The following CPAMD8 variants were observed in gnomAD, a reference collection of about 807,000 sequenced individuals.
CPAMD8 encodes C3 and PZP-like alpha-2-macroglobulin domain-containing protein 8.
A neutral mutation model predicts 224.7 loss-of-function variants in CPAMD8; 146 were observed. That is an observed-to-expected ratio of 0.65 (90% CI 0.57 to 0.75). CPAMD8 has a LOEUF of 0.75. Among genes scored for constraint, CPAMD8 ranks in the 30% least tolerant of loss-of-function variants. The pLI, the probability that CPAMD8 is intolerant of heterozygous loss-of-function variation, is 0.00. For synonymous variants in CPAMD8, 966 were observed against 1,044.6 expected (o/e 0.92, Z 1.45); for missense variants, 2,301 against 2,537.5 (o/e 0.91, Z 2.00).
intron 23 of CPAMD8, among the ~76,000 whole-genome samples, chr19:16,930,373 G>A (rs950201934): frequency 3.9e-5 from 6 of 152,090 alleles, no homozygotes; most frequent in Non-Finnish European, 7.4e-5. Context: ...AAACATAAAT[G>A]CACCAATTAT....
intron 41 of CPAMD8, chr19:16,894,390 T>G (rs941145345): frequency 2.2e-6 from 1 of 456,596 alleles, no homozygotes; most frequent in East Asian, 7.0e-5. Flanking sequence ...CCAGATGGTG[T>G]CGTCCTGCTC....
intron 17 of CPAMD8, among the ~76,000 whole-genome samples, chr19:16,972,319 A>G (rs2055091279): frequency 6.6e-6 from 1 of 152,108 alleles, no homozygotes; most frequent in Non-Finnish European, 1.5e-5. Flanking sequence ...GTGCACCACC[A>G]TGCCCGGCTA....
At chr19:17,018,719 C>T (rs112802051) in intron 3 of CPAMD8, among the ~76,000 whole-genome samples, 19 of 37,386 alleles carry the variant, frequency 5.1e-4, no homozygotes, top group African/African-American at 1.2e-3. Flanking sequence ...ACTAAAAATA[C>T]ACACACACAC....
At chr19:16,964,408 A>G (rs890810244) in intron 18 of CPAMD8, among the ~76,000 whole-genome samples, 5 of 152,212 alleles carry the variant, frequency 3.3e-5, no homozygotes, top group Admixed American at 2.6e-4. Flanking sequence ...AATACTGTAA[A>G]CACCTCTACG....
At chr19:17,010,682 G>T (rs1326115860) in intron 5 of CPAMD8, among the ~76,000 whole-genome samples, 7 of 152,052 alleles carry the variant, frequency 4.6e-5, no homozygotes, top group Non-Finnish European at 1.5e-5. Flanking sequence ...AAATAATTTT[G>T]TAAGTATATA....
chr19:16,940,156 C>T (rs1359327603), intron 22 of CPAMD8, among the ~76,000 whole-genome samples: 1 of 152,136 alleles, frequency 6.6e-6, no homozygotes, highest in African/African-American at 2.4e-5. Context: ...AGGTGATCTG[C>T]CTGCCTCAGC....
chr19:16,924,862 G>A (rs559101466), intron 26 of CPAMD8, among the ~76,000 whole-genome samples: 3 of 152,326 alleles, frequency 2.0e-5, no homozygotes, highest in African/African-American at 7.2e-5. Flanking sequence ...TGGGATTACA[G>A]GCATCAGCCA....
At chr19:16,996,749 A>G (rs1485122156) in intron 11 of CPAMD8, among the ~76,000 whole-genome samples, 1 of 147,902 alleles carries the variant, frequency 6.8e-6, no homozygotes, top group Non-Finnish European at 1.5e-5. Context: ...AACCTGGGAG[A>G]CGGAGGTTGC....
At chr19:16,959,164 A>C (rs1041427501) in intron 18 of CPAMD8, among the ~76,000 whole-genome samples, 3 of 134,320 alleles carry the variant, frequency 2.2e-5, no homozygotes. Context: ...TGTGGTTTTG[A>C]TTTGCATTTC....
At chr19:16,914,583 G>A in intron 28 of CPAMD8, 74 bp downstream of exon 28, 3 of 1,611,786 alleles carry the variant, frequency 1.9e-6, no homozygotes, top group Non-Finnish European at 2.5e-6. Flanking sequence ...CCAGGGAGTA[G>A]GAACAGGCAG....
chr19:16,909,050 A>T (rs966800889), intron 29 of CPAMD8, among the ~76,000 whole-genome samples: 2 of 152,144 alleles, frequency 1.3e-5, no homozygotes, highest in African/African-American at 4.8e-5. Context: ...GGTCAAGGTC[A>T]TTTGCTGGTT....
intron 8 of CPAMD8, 28 bp downstream of exon 8, chr19:17,004,245 C>G: frequency 1.3e-6 from 2 of 1,485,164 alleles, no homozygotes; most frequent in Non-Finnish European, 1.9e-6. Context: ...GATCTGAAAT[C>G]CCAAGACCCT....
chr19:17,009,852 G>A lies in CPAMD8; in HGVS notation c.487-532C>T, dbSNP rs1337014760. On this transcript the variant is annotated intron_variant, in intron 5 of 41. Coordinates refer to ENST00000443236, the MANE Select transcript of CPAMD8 (RefSeq NM_015692.5). ...ACCCTGTTAATGTCCCCAGCAACAC[G>A]ACAAACCCATGCTGGGTGCCTCCTG... Among the ~76,000 whole-genome samples, 10 of 152,100 alleles carry A rather than the reference G, an allele frequency of 6.6e-5. No individual in the cohort carries two copies. The East Asian group carries it at 7.7e-4, about 12-fold the overall frequency.
intron 3 of CPAMD8, among the ~76,000 whole-genome samples, chr19:17,017,239 G>A (rs925910062): frequency 6.6e-6 from 1 of 152,156 alleles, no homozygotes; most frequent in Non-Finnish European, 1.5e-5. Flanking sequence ...TCACCCCCAG[G>A]TGGGACCATC....
intron 7 of CPAMD8, 31 bp from the exon 8 acceptor site, chr19:17,004,417 C>T (rs1414925335): frequency 1.4e-6 from 2 of 1,391,146 alleles, no homozygotes; most frequent in Admixed American, 1.7e-5. Context: ...AGGGCTTTTT[C>T]AGAGAGCCAC....
At chr19:16,940,853 C>T (rs1158341859) in intron 22 of CPAMD8, among the ~76,000 whole-genome samples, 4 of 152,226 alleles carry the variant, frequency 2.6e-5, no homozygotes, top group Admixed American at 2.0e-4. Flanking sequence ...AGTAACCCCC[C>T]ATCTACCTGC....
At position 16,919,519 on chromosome 19, in the gene CPAMD8, C is replaced by T. The variant is rs141440494; in HGVS notation, c.3629+2386G>A. Among the ~76,000 whole-genome samples the T allele has an allele frequency of 2.4e-3, 367 of 152,346 alleles. 3 individuals are homozygous for T. Among genetic ancestry groups the T allele is most frequent in the African/African-American group, 6.0e-3 (249 of 41,580 alleles). On this transcript the variant is annotated intron_variant, in intron 27 of 41. Coordinates refer to ENST00000443236, the MANE Select transcript of CPAMD8 (RefSeq NM_015692.5). ...CCTTGACTGCAACCTCAGCAAAGAT[C>T]CCCAGGCAGAAACACCCAGCTAAGC...
intron 7 of CPAMD8, among the ~76,000 whole-genome samples, chr19:17,006,576 T>C (rs968376874): frequency 2.0e-5 from 3 of 152,018 alleles, no homozygotes; most frequent in Non-Finnish European, 2.9e-5. Context: ...TCCATTCTCT[T>C]CCCTGGCTCT....
chr19:16,909,916 A>G (rs1366028721), intron 29 of CPAMD8, among the ~76,000 whole-genome samples: 1 of 151,764 alleles, frequency 6.6e-6, no homozygotes, highest in African/African-American at 2.4e-5. Flanking sequence ...CAGTGGTGCA[A>G]TCTTAACTCA....
Sources: gnomAD v4.1 joint callset for allele counts (sites outside exome capture counted in the v4.1 genomes callset) on GRCh38, gnomAD v4.1.1 for gene constraint, MANE v1.5 for transcripts, NCBI Gene and HGNC (gene_info 2026-07-23, HGNC 2026-07-21) for gene names.